The following RBM47 variants were observed in gnomAD, a reference collection of about 807,000 sequenced individuals.
The protein encoded by RBM47 is RNA-binding protein 47.
Under a neutral mutation model 47.1 loss-of-function variants are expected in RBM47, and 21 were observed. That is an observed-to-expected ratio of 0.45 (90% CI 0.32 to 0.64). The LOEUF is 0.64. Ranked by LOEUF, RBM47 falls within the 30% of genes least tolerant of loss-of-function variation. The pLI, the probability that RBM47 is intolerant of heterozygous loss-of-function variation, is 0.05. For missense variants in RBM47, 708 were observed against 870.9 expected (o/e 0.81, Z 2.35); for synonymous variants, 375 against 361.7 (o/e 1.04, Z -0.42).
At chr4:40,471,543 C>T (rs1435446200) in intron 2 of RBM47, among the ~76,000 whole-genome samples, 2 of 152,022 alleles carry the variant, frequency 1.3e-5, no homozygotes, top group East Asian at 3.9e-4. Flanking sequence ...ACTAAAAATA[C>T]AAAATTAGCC....
At chr4:40,466,265 CA>C (rs55805915) in intron 3 of RBM47, among the ~76,000 whole-genome samples, 41,189 of 91,884 alleles carry the variant, frequency 0.45, 6,022 homozygotes, top group Middle Eastern at 0.57. Flanking sequence ...GAGACTGTCT[CA>C]AAAAAAAAAA....
chr4:40,516,647 G>A (rs1237862710), intron 2 of RBM47, among the ~76,000 whole-genome samples: 13 of 152,070 alleles, frequency 8.5e-5, no homozygotes, highest in African/African-American at 4.8e-5. Flanking sequence ...TATTATTCTC[G>A]AGATTCAGAG....
chr4:40,550,177 T>C (rs1489519703), intron 1 of RBM47, among the ~76,000 whole-genome samples: 1 of 152,214 alleles, frequency 6.6e-6, no homozygotes, highest in Non-Finnish European at 1.5e-5. Flanking sequence ...CATGGTCTCC[T>C]ACACAAGACC....
chr4:40,600,400 C>T (rs1735142585), intron 1 of RBM47, among the ~76,000 whole-genome samples: 2 of 151,070 alleles, frequency 1.3e-5, no homozygotes, highest in African/African-American at 4.9e-5. Flanking sequence ...TTTGGGAGGC[C>T]AAGGCGGGCG....
chr4:40,458,827 A>G (rs1716671543), intron 3 of RBM47, among the ~76,000 whole-genome samples: 1 of 152,130 alleles, frequency 6.6e-6, no homozygotes, highest in African/African-American at 2.4e-5. Context: ...AGCTTAAAAA[A>G]CAGGTCCTTC....
At chr4:40,480,670 C>A (rs1319917710) in intron 2 of RBM47, among the ~76,000 whole-genome samples, 1 of 152,138 alleles carries the variant, frequency 6.6e-6, no homozygotes, top group Non-Finnish European at 1.5e-5. Context: ...TCTCTCTAAG[C>A]CCTTCCTCTA....
chr4:40,462,728 G>A (rs559831144), intron 3 of RBM47, among the ~76,000 whole-genome samples: 22 of 152,118 alleles, frequency 1.4e-4, no homozygotes, highest in Non-Finnish European at 2.5e-4. Context: ...GGCTTTCACC[G>A]AGATTTGGTG....
chr4:40,578,358 G>C (rs1008395423), intron 1 of RBM47, among the ~76,000 whole-genome samples: 12 of 152,036 alleles, frequency 7.9e-5, no homozygotes, highest in Admixed American at 6.6e-4. Flanking sequence ...TCTTCTGCTC[G>C]GCTGACTGGA....
At chr4:40,511,942 A>C (rs1455945949) in intron 2 of RBM47, among the ~76,000 whole-genome samples, 1 of 151,848 alleles carries the variant, frequency 6.6e-6, no homozygotes, top group African/African-American at 2.4e-5. Context: ...CTCAAAAAAA[A>C]AAAAAAGAAA....
At chr4:40,595,185 G>A (rs929236479) in intron 1 of RBM47, among the ~76,000 whole-genome samples, 1 of 152,140 alleles carries the variant, frequency 6.6e-6, no homozygotes, top group Admixed American at 6.5e-5. Flanking sequence ...TGGGAAGGGG[G>A]AATAGCCATC....
At chr4:40,435,205 G>C (rs183991638) in intron 5 of RBM47, among the ~76,000 whole-genome samples, 4 of 152,300 alleles carry the variant, frequency 2.6e-5, no homozygotes, top group Non-Finnish European at 1.5e-5. Context: ...GATCCAACTA[G>C]AGGAGGAAAT....
chr4:40,619,994 T>C (rs9685681), intron 1 of RBM47, among the ~76,000 whole-genome samples: 39,854 of 151,824 alleles, frequency 0.26, 5,476 homozygotes, highest in South Asian at 0.34. Flanking sequence ...ATCAGGAGTT[T>C]GAGTCCAGCC....
intron 1 of RBM47, among the ~76,000 whole-genome samples, chr4:40,574,453 A>G (rs1048682737): frequency 1.4e-4 from 21 of 152,242 alleles, no homozygotes; most frequent in Non-Finnish European, 2.6e-4. Flanking sequence ...TCTTTTCAGA[A>G]CGTTAGACAA....
chr4:40,536,599 C>T (rs988258802), intron 2 of RBM47, among the ~76,000 whole-genome samples: 1 of 152,160 alleles, frequency 6.6e-6, no homozygotes, highest in African/African-American at 2.4e-5. Flanking sequence ...AGACCTCTTC[C>T]GTTTAGGTAG....
chr4:40,618,103 A>G (rs564587787), intron 1 of RBM47, among the ~76,000 whole-genome samples: 1 of 152,164 alleles, frequency 6.6e-6, no homozygotes, highest in South Asian at 2.1e-4. Context: ...TTAGCCAAGC[A>G]TGGTGATGCA....
chr4:40,532,783 G>A (rs1325030696), intron 2 of RBM47, among the ~76,000 whole-genome samples: 3 of 151,620 alleles, frequency 2.0e-5, no homozygotes, highest in Admixed American at 6.6e-5. Context: ...GTACAGATAT[G>A]TCTGTGTATA....
chr4:40,619,041 G>A (rs567242698), intron 1 of RBM47, among the ~76,000 whole-genome samples: 4 of 151,954 alleles, frequency 2.6e-5, no homozygotes, highest in Admixed American at 6.6e-5. Context: ...GGCCACTGCC[G>A]GCCTCAGACT....
chr4:40,630,232 A>G (rs1384128888), upstream of RBM47: 1 of 152,268 alleles, frequency 6.6e-6, no homozygotes, highest in African/African-American at 2.4e-5. Context: ...CACCTGCTCC[A>G]CCTGGGGGCA....
At chr4:40,612,892 A>C (rs1736383687) in intron 1 of RBM47, among the ~76,000 whole-genome samples, 1 of 152,198 alleles carries the variant, frequency 6.6e-6, no homozygotes, top group Non-Finnish European at 1.5e-5. Flanking sequence ...CTTTGGTTGT[A>C]ATTAATTTAT....
Sources: allele counts gnomAD v4.1 joint callset (sites outside exome capture counted in the v4.1 genomes callset), GRCh38; gene constraint gnomAD v4.1.1; transcripts MANE v1.5; gene names NCBI Gene and HGNC (gene_info 2026-07-23, HGNC 2026-07-21).